Variants in FBXO16 observed in about 807,000 individuals in gnomAD.
FBXO16 encodes the protein F-box only protein 16.
A neutral mutation model predicts 41.0 loss-of-function variants in FBXO16; 31 were observed. The ratio of observed to expected loss-of-function variants is 0.76; its 90% CI spans 0.57 to 1.02. The LOEUF (loss-of-function observed/expected upper bound fraction) is 1.02. Ranked by LOEUF, FBXO16 falls within the 50% of genes least tolerant of loss-of-function variation. FBXO16 has a pLI of 0.00. For missense variants in FBXO16, 361 were observed against 346.2 expected, an observed-to-expected ratio of 1.04 and a Z score of -0.34; for synonymous variants, 133 against 117.8, an observed-to-expected ratio of 1.13 and a Z score of -0.84.
chr8:28,467,703 C>T (rs1025434012), intron 3 of FBXO16, among the ~76,000 whole-genome samples: 1 of 152,178 alleles, frequency 6.6e-6, no homozygotes, highest in African/African-American at 2.4e-5. Flanking sequence ...AGAATGGACT[C>T]AGGTTGCAGA....
intron 7 of FBXO16, among the ~76,000 whole-genome samples, chr8:28,441,469 C>A (rs1022993295): frequency 1.3e-5 from 2 of 152,186 alleles, no homozygotes; most frequent in African/African-American, 4.8e-5. Context: ...GGCGCAGGGG[C>A]TCACGCCTGT....
At chr8:28,450,619 C>T (rs1359419608) in intron 6 of FBXO16, among the ~76,000 whole-genome samples, 1 of 152,188 alleles carries the variant, frequency 6.6e-6, no homozygotes, top group African/African-American at 2.4e-5. Context: ...GACTCCAGCT[C>T]AGTCTCTCTG....
At position 28,447,166 on chromosome 8, in the gene FBXO16, C is replaced by T; in HGVS notation, c.843+5G>A. On this transcript the variant is annotated splice_donor_5th_base_variant and intron_variant, in intron 7 of 8. Coordinates refer to ENST00000380254, the MANE Select transcript of FBXO16 (RefSeq NM_172366.4). ...GGTGATGAATCTTTCATAAACAATA[C>T]TTACCATTGATTGTGCTTTTCTTAG... 3 of 1,606,946 alleles carry T rather than the reference C, an allele frequency of 1.9e-6. No homozygotes were observed. The highest frequency in any genetic ancestry group is 2.2e-5 in the South Asian group (2 of 90,538).
intron 3 of FBXO16, among the ~76,000 whole-genome samples, chr8:28,470,865 C>A (rs141786250): frequency 4.0e-4 from 61 of 152,268 alleles, no homozygotes; most frequent in African/African-American, 1.4e-3. Flanking sequence ...ATTTGCAAAA[C>A]AGTTTTCCTT....
At chr8:28,479,081 C>T (rs1460622233) in intron 2 of FBXO16, among the ~76,000 whole-genome samples, 1 of 152,118 alleles carries the variant, frequency 6.6e-6, no homozygotes, top group Admixed American at 6.6e-5. Flanking sequence ...TGAGGCCGCC[C>T]CAGAAGCAGA....
intron 5 of FBXO16, among the ~76,000 whole-genome samples, chr8:28,454,972 A>C (rs1370952588): frequency 1.3e-5 from 2 of 149,322 alleles, no homozygotes; most frequent in Non-Finnish European, 2.9e-5. Context: ...CTTTAAAAAA[A>C]ATATGGAATG....
intron 3 of FBXO16, among the ~76,000 whole-genome samples, chr8:28,467,520 T>C (rs953880178): frequency 1.3e-5 from 2 of 152,234 alleles, no homozygotes; most frequent in Non-Finnish European, 2.9e-5. Flanking sequence ...ATTGTAGACA[T>C]GGCAGCTACT....
intron 3 of FBXO16, among the ~76,000 whole-genome samples, chr8:28,473,185 A>C (rs1329138904): frequency 6.6e-6 from 1 of 152,088 alleles, no homozygotes; most frequent in Admixed American, 6.6e-5. Flanking sequence ...AATCCTTTTC[A>C]TTGAATTATG....
rs773485702 is a variant in FBXO16, at chr8:28,452,232, G to A, written c.740+12C>T. On this transcript the variant is annotated intron_variant, in intron 6 of 8. Transcript: ENST00000380254. ...AAAACGAAGAAGTTGAGAAGAGCATGGAGCTTCTTACCCTTGCTGGACAGT... is the reference window on the plus strand; with the variant it reads ...AAAACGAAGAAGTTGAGAAGAGCATAGAGCTTCTTACCCTTGCTGGACAGT... 1.2e-6 allele frequency: 2 copies of A among 1,607,518 alleles called. No homozygotes were observed. Among genetic ancestry groups the A allele is most frequent in the African/African-American group, 2.7e-5 (2 of 74,680 alleles).
At chr8:28,458,917 T>C (rs1468221141) in intron 4 of FBXO16, among the ~76,000 whole-genome samples, 2 of 152,176 alleles carry the variant, frequency 1.3e-5, no homozygotes, top group Non-Finnish European at 2.9e-5. Context: ...CAAGACACAA[T>C]TCCTCCACAA....
intron 4 of FBXO16, among the ~76,000 whole-genome samples, chr8:28,458,147 C>CA (rs1803066381): frequency 6.6e-6 from 1 of 152,218 alleles, no homozygotes; most frequent in Admixed American, 6.5e-5. Context: ...CCCTCACCCC[C>CA]AAAAGGGGAA....
intron 4 of FBXO16, among the ~76,000 whole-genome samples, chr8:28,462,743 G>A (rs1033057711): frequency 6.6e-6 from 1 of 152,062 alleles, no homozygotes; most frequent in Non-Finnish European, 1.5e-5. Context: ...ATACAGGACA[G>A]AATTACTTGT....
intron 6 of FBXO16, among the ~76,000 whole-genome samples, chr8:28,451,785 C>T (rs1416061216): frequency 6.6e-6 from 1 of 151,910 alleles, no homozygotes; most frequent in Non-Finnish European, 1.5e-5. Context: ...GAGTTCAAGA[C>T]CAGCCTGGTC....
chr8:28,445,491 A>G (rs928604631), intron 7 of FBXO16, among the ~76,000 whole-genome samples: 1 of 152,182 alleles, frequency 6.6e-6, no homozygotes, highest in Non-Finnish European at 1.5e-5. Flanking sequence ...CCGTTCTCCC[A>G]TGGACTTCTC....
chr8:28,482,152 G>A (rs1803523328), intron 2 of FBXO16, among the ~76,000 whole-genome samples: 1 of 152,164 alleles, frequency 6.6e-6, no homozygotes, highest in South Asian at 2.1e-4. Flanking sequence ...ATCTTTTATT[G>A]TGAAACAGCA....
At chr8:28,449,232 A>G (rs368171678) in intron 6 of FBXO16, 11 of 152,168 alleles carry the variant, frequency 7.2e-5, no homozygotes, top group African/African-American at 2.4e-4. Flanking sequence ...AGGAAAAAAA[A>G]GGACAGAGGG....
At position 28,450,002 on chromosome 8, in the gene FBXO16, C is replaced by G. The variant is rs62502417; in HGVS notation, c.740+2242G>C. On this transcript the variant is annotated intron_variant, in intron 6 of 8. Coordinates refer to ENST00000380254, the MANE Select transcript of FBXO16 (RefSeq NM_172366.4). The stretch of plus-strand genomic sequence containing the variant: ...AAAGAAAAAAAAAAAAAAAGAAGGG[C>G]GATTTGCATAAACGTCCCAAAAGAA... 2.2e-4 allele frequency among the ~76,000 whole-genome samples: 32 copies of G among 146,854 alleles called. 2 individuals carry two copies. The highest frequency in any genetic ancestry group is 6.1e-4 in the East Asian group (3 of 4,926).
intron 3 of FBXO16, among the ~76,000 whole-genome samples, chr8:28,470,006 C>T (rs1457883758): frequency 6.6e-6 from 1 of 151,330 alleles, no homozygotes; most frequent in Non-Finnish European, 1.5e-5. Flanking sequence ...AGATCGAGAC[C>T]ACAGTGAAAC....
intron 7 of FBXO16, among the ~76,000 whole-genome samples, chr8:28,442,590 G>A: frequency 6.6e-6 from 1 of 151,942 alleles, no homozygotes; most frequent in Admixed American, 6.6e-5. Flanking sequence ...CACCATGTTG[G>A]CCAGGCTAGT....
Sources: allele counts gnomAD v4.1 joint callset (sites outside exome capture counted in the v4.1 genomes callset), GRCh38; gene constraint gnomAD v4.1.1; transcripts MANE v1.5; gene names NCBI Gene and HGNC (gene_info 2026-07-23, HGNC 2026-07-21).